SPECC1L: variants seen among roughly 807,000 people sequenced by gnomAD.
SPECC1L encodes the protein cytospin-A.
In SPECC1L, 40 loss-of-function variants were observed where a neutral mutation model predicts 116.8. The observed-to-expected ratio is 0.34, with a 90% confidence interval of 0.27 to 0.45. The LOEUF is 0.45. Ranked by LOEUF, SPECC1L falls within the 20% of genes least tolerant of loss-of-function variation. The pLI is 1.00. For synonymous variants in SPECC1L, 504 were observed against 500.6 expected (o/e 1.01, Z -0.09); for missense variants, 1,110 against 1,373.6 (o/e 0.81, Z 3.03).
At chr22:24,281,718 TG>T (rs2048946712) in intron 2 of SPECC1L, among the ~76,000 whole-genome samples, 1 of 152,256 alleles carries the variant, frequency 6.6e-6, no homozygotes. Flanking sequence ...CTGTCAATGT[TG>T]TCTGTGAATA....
intron 5 of SPECC1L, chr22:24,323,231 T>C (rs2040755075): frequency 2.5e-6 from 1 of 401,462 alleles, no homozygotes; most frequent in African/African-American, 2.2e-5. Context: ...CATGAAATTT[T>C]ACCTCCCCCC....
intron 14 of SPECC1L, among the ~76,000 whole-genome samples, chr22:24,390,099 G>C (rs1225024079): frequency 2.6e-5 from 4 of 151,464 alleles, no homozygotes; most frequent in African/African-American, 9.7e-5. Context: ...GCCTTGAAGG[G>C]GAATGTTATT....
At chr22:24,374,812 C>A (rs2041940512) in intron 14 of SPECC1L, among the ~76,000 whole-genome samples, 2 of 148,058 alleles carry the variant, frequency 1.4e-5, no homozygotes, top group Non-Finnish European at 1.5e-5. Flanking sequence ...TAAGCTAAAC[C>A]CAAAATAAGC....
At chr22:24,369,700 A>G (rs778775119) in intron 14 of SPECC1L, among the ~76,000 whole-genome samples, 6 of 152,244 alleles carry the variant, frequency 3.9e-5, no homozygotes, top group Non-Finnish European at 8.8e-5. Context: ...CACATTCTCA[A>G]AGTCCAGCCA....
At chr22:24,338,598 C>T in intron 10 of SPECC1L, 121 bp downstream of exon 10, 1 of 786,236 alleles carries the variant, frequency 1.3e-6, no homozygotes, top group Non-Finnish European at 2.1e-6. Context: ...AGGGATGTAT[C>T]TAGAATTTGT....
At chr22:24,341,329 G>A (rs1479907992) in intron 10 of SPECC1L, among the ~76,000 whole-genome samples, 2 of 152,184 alleles carry the variant, frequency 1.3e-5, no homozygotes, top group African/African-American at 2.4e-5. Flanking sequence ...AATTTTCCAG[G>A]AACAATTTCC....
rs1435793061 is a variant in SPECC1L at position 24,414,540 on chromosome 22, A to C, written c.3271A>C (p.Asn1091His). 1 of 1,613,852 alleles carries C rather than the reference A, an allele frequency of 6.2e-7. No homozygotes were observed. Among genetic ancestry groups the C allele is most frequent in the South Asian group, 1.1e-5 (1 of 91,078 alleles). Reference protein sequence around the residue: ...SVGIKSTLDINEMVRTERPDW... With the variant: ...SVGIKSTLDIHEMVRTERPDW... ...CGTCTTCCTTGTCTGTCAGGACATT[A>C]ATGAAATGGTACGGACTGAACGACC... The change falls in exon 17 of 17, where the codon AAT (asparagine) becomes CAT (histidine). Residue 1091 changes from asparagine to histidine, a missense_variant. Around this residue, in one of 4 missense-constraint regions of SPECC1L, gnomAD observed 76 missense variants for 148.5 expected, o/e 0.51. Transcript: ENST00000314328.
chr22:24,326,482 T>C (rs1031576180), intron 6 of SPECC1L, among the ~76,000 whole-genome samples: 6 of 152,190 alleles, frequency 3.9e-5, no homozygotes, highest in African/African-American at 1.4e-4. Flanking sequence ...TGGTGTCTGC[T>C]TTACCCAAAC....
chr22:24,390,979 G>A (rs1236095577), intron 14 of SPECC1L, among the ~76,000 whole-genome samples: 1 of 143,524 alleles, frequency 7.0e-6, no homozygotes, highest in Non-Finnish European at 1.5e-5. Flanking sequence ...GGGTTCAAGC[G>A]ATTCTCCTGC....
intron 9 of SPECC1L, among the ~76,000 whole-genome samples, chr22:24,335,102 CA>C (rs2146523175): frequency 6.6e-6 from 1 of 152,236 alleles, no homozygotes; most frequent in South Asian, 2.1e-4. Context: ...TCTTTCTTAC[CA>C]CTACATCTAG....
intron 16 of SPECC1L, among the ~76,000 whole-genome samples, chr22:24,413,829 T>C (rs1031436635): frequency 6.6e-6 from 1 of 152,170 alleles, no homozygotes; most frequent in Admixed American, 6.5e-5. Flanking sequence ...TCCTGCGTGC[T>C]CAGCCACACG....
rs1474300134 is a variant in SPECC1L at position 24,392,977 on chromosome 22, G to A, written c.3088-18611G>A. Among the ~76,000 whole-genome samples the A allele has an allele frequency of 3.9e-5, 6 of 152,178 alleles. No homozygotes were observed. The East Asian group carries it at 5.8e-4, about 15-fold the overall frequency. On this transcript the variant is annotated intron_variant, in intron 14 of 16. Transcript: ENST00000314328. ...GTCTGCGCTTCCTCAAAATGTGGTG[G>A]CCACATTCCAAGGACAGTTGTCGAG...
intron 2 of SPECC1L, among the ~76,000 whole-genome samples, chr22:24,286,364 T>C (rs2049043363): frequency 6.6e-6 from 1 of 152,224 alleles, no homozygotes; most frequent in Non-Finnish European, 1.5e-5. Flanking sequence ...TTTTAGTACC[T>C]GATTGGTTAT....
chr22:24,385,437 A>G (rs2042143390), intron 14 of SPECC1L, among the ~76,000 whole-genome samples: 1 of 152,188 alleles, frequency 6.6e-6, no homozygotes, highest in African/African-American at 2.4e-5. Flanking sequence ...AAAACAATAG[A>G]CTCAACCATG....
chr22:24,309,161 CTA>C (rs979061484), intron 3 of SPECC1L, among the ~76,000 whole-genome samples: 2 of 151,830 alleles, frequency 1.3e-5, no homozygotes, highest in Non-Finnish European at 2.9e-5. Context: ...ACGCACATAT[CTA>C]TGTCAATTTC....
chr22:24,383,098 C>T (rs1048925021), intron 14 of SPECC1L, among the ~76,000 whole-genome samples: 14 of 152,126 alleles, frequency 9.2e-5, no homozygotes, highest in African/African-American at 1.9e-4. Context: ...GGGAAATATT[C>T]GAGGCCTTCG....
intron 11 of SPECC1L, among the ~76,000 whole-genome samples, chr22:24,349,427 T>C (rs554538737): frequency 2.4e-4 from 36 of 152,362 alleles, no homozygotes; most frequent in African/African-American, 8.4e-4. Flanking sequence ...TCACTTTCTT[T>C]GTTATTGTAT....
At chr22:24,274,426 A>G (rs1727761457) in intron 1 of SPECC1L, among the ~76,000 whole-genome samples, 1 of 152,240 alleles carries the variant, frequency 6.6e-6, no homozygotes, top group African/African-American at 2.4e-5. Flanking sequence ...CAGTGTATCA[A>G]AAGGCACGTT....
intron 10 of SPECC1L, among the ~76,000 whole-genome samples, chr22:24,340,941 C>T (rs963085032): frequency 6.6e-6 from 1 of 152,012 alleles, no homozygotes; most frequent in Non-Finnish European, 1.5e-5. Flanking sequence ...GAAAGATGGA[C>T]AAAATATAAG....
Sources: allele counts gnomAD v4.1 joint callset (sites outside exome capture counted in the v4.1 genomes callset), GRCh38; gene constraint gnomAD v4.1.1; regional missense constraint gnomAD v4.1.1; transcripts MANE v1.5; gene names NCBI Gene and HGNC (gene_info 2026-07-23, HGNC 2026-07-21).